The following TGS1 variants were observed in gnomAD, a reference collection of about 807,000 sequenced individuals.
TGS1 encodes the protein trimethylguanosine synthase 1.
TGS1 carries 69 observed loss-of-function variants against 92.2 expected under a neutral mutation model. The ratio of observed to expected loss-of-function variants is 0.75; its 90% CI spans 0.62 to 0.91. The LOEUF is 0.91. Among genes scored for constraint, TGS1 ranks in the 40% least tolerant of loss-of-function variants. TGS1 has a pLI of 0.00. For synonymous variants in TGS1, 345 were observed against 338.1 expected (o/e 1.02, Z -0.22); for missense variants, 1,062 against 1,001.2 (o/e 1.06, Z -0.82).
intron 11 of TGS1, among the ~76,000 whole-genome samples, chr8:55,811,784 T>G (rs1025643330): frequency 6.6e-6 from 1 of 151,850 alleles, no homozygotes; most frequent in Admixed American, 6.6e-5. Flanking sequence ...AGAGAGAAAT[T>G]AGTGAAGAGA....
chr8:55,785,878 A>G lies in TGS1; in HGVS notation c.326A>G (p.His109Arg). The G allele has an allele frequency of 2.5e-6, 4 of 1,598,420 alleles. No homozygotes were observed. Among genetic ancestry groups the G allele is most frequent in the Non-Finnish European group, 2.6e-6 (3 of 1,175,392 alleles). The change falls in exon 3 of 13, where the codon CAT (histidine) becomes CGT (arginine). Residue 109 changes from histidine to arginine, a missense_variant. Transcript: ENST00000260129. ...LPLQFGRITA[H>R]KDFEVSMNTR... ...CTTCAATTTGGTAGGATAACTGCACATAAGGATTTTGAGGTAAATATTAAT... is the reference window on the plus strand; with the variant it reads ...CTTCAATTTGGTAGGATAACTGCACGTAAGGATTTTGAGGTAAATATTAAT...
Position 55,825,292 on chromosome 8 carries a change from A to C in TGS1, c.*589A>C, listed in dbSNP as rs1803762818. On this transcript the variant is annotated 3_prime_UTR_variant, in exon 13 of 13. Transcript: ENST00000260129. Reference sequence around the variant, plus strand: ...ATACATTTATTTAGACTTTTTCTAGAACTTTCCTGTTTTCATGTCTTTGCT... The same window carrying C: ...ATACATTTATTTAGACTTTTTCTAGCACTTTCCTGTTTTCATGTCTTTGCT... The C allele has an allele frequency of 6.6e-6, 1 of 152,230 alleles. No individual in the cohort carries two copies. The highest frequency in any genetic ancestry group is 2.4e-5 in the African/African-American group (1 of 41,466). The allele number at this position is 152,230 out of a possible 1,614,324, so 9.4% of individuals were successfully genotyped here. A position where few individuals can be genotyped will look rare whatever the true frequency, so the allele number is the denominator to read the frequency against.
intron 7 of TGS1, among the ~76,000 whole-genome samples, chr8:55,796,980 G>T (rs1382747080): frequency 1.3e-5 from 2 of 151,704 alleles, no homozygotes; most frequent in African/African-American, 4.9e-5. Flanking sequence ...GACAGAGTAA[G>T]ACTGTCTCAA....
intron 12 of TGS1, among the ~76,000 whole-genome samples, chr8:55,817,118 C>A (rs991984654): frequency 6.6e-6 from 1 of 152,196 alleles, no homozygotes; most frequent in African/African-American, 2.4e-5. Flanking sequence ...CCGCCTTGGC[C>A]TCCCAAAGTG....
Position 55,799,019 on chromosome 8 carries a change from G to A in TGS1, c.1648G>A (p.Glu550Lys). Reference sequence around the variant, plus strand: ...CGACGCTTCCACAAGTAGTGATTCAGAGGAACAAGACATGTCTGTTAAAAA... The same window carrying A: ...CGACGCTTCCACAAGTAGTGATTCAAAGGAACAAGACATGTCTGTTAAAAA... ...VHDASTSSDSEEQDMSVKKGD... is the reference protein window; with the variant it reads ...VHDASTSSDSKEQDMSVKKGD... Residue 550 changes from glutamate (E) to lysine (K), a missense_variant, in exon 8 of 13, where the codon GAG (glutamate) becomes AAG (lysine). Physicochemically the swap from Glu to Lys is moderately conservative, Grantham distance 56 (BLOSUM62 1). Transcript: ENST00000260129. The A allele has an allele frequency of 6.2e-7, 1 of 1,614,226 alleles. No homozygotes were observed. Among genetic ancestry groups the A allele is most frequent in the Non-Finnish European group, 8.5e-7 (1 of 1,180,036 alleles).
intron 1 of TGS1, among the ~76,000 whole-genome samples, chr8:55,781,621 A>G (rs954122417): frequency 3.3e-5 from 5 of 152,118 alleles, no homozygotes; most frequent in South Asian, 2.1e-4. Context: ...CCCAGTGCCC[A>G]TGTTCCTGGG....
intron 10 of TGS1, among the ~76,000 whole-genome samples, chr8:55,806,998 G>T (rs774855123): frequency 1.3e-5 from 2 of 150,698 alleles, no homozygotes; most frequent in Admixed American, 1.3e-4. Flanking sequence ...CGCGGATCTC[G>T]GCTCACTGCA....
intron 5 of TGS1, 44 bp downstream of exon 5, chr8:55,790,343 G>C: frequency 8.5e-7 from 1 of 1,176,104 alleles, no homozygotes; most frequent in Non-Finnish European, 1.3e-6. Context: ...GTTAGAGTAA[G>C]CATTTGTATG....
At position 55,786,739 on chromosome 8, in the gene TGS1, G is replaced by A. The variant is rs1220994090; in HGVS notation, c.841G>A (p.Asp281Asn). The A allele has an allele frequency of 6.2e-7, 1 of 1,614,126 alleles. No individual in the cohort carries two copies. Among genetic ancestry groups the A allele is most frequent in the Non-Finnish European group, 8.5e-7 (1 of 1,180,024 alleles). ...TTACACATCTAAAACAGAAGCTGATGACAAGAACGATGAAAAATGCATGAA... is the reference window on the plus strand; with the variant it reads ...TTACACATCTAAAACAGAAGCTGATAACAAGAACGATGAAAAATGCATGAA... Reference protein sequence around the residue: ...DTYTSKTEADDKNDEKCMKVD... With the variant: ...DTYTSKTEADNKNDEKCMKVD... Residue 281 changes from aspartate to asparagine, a missense_variant, in exon 4 of 13, where the codon GAC becomes AAC. Coordinates refer to ENST00000260129, the MANE Select transcript of TGS1 (RefSeq NM_024831.8).
At chr8:55,780,995 T>C (rs1185839101) in intron 1 of TGS1, among the ~76,000 whole-genome samples, 1 of 152,182 alleles carries the variant, frequency 6.6e-6, no homozygotes, top group African/African-American at 2.4e-5. Flanking sequence ...CAGTTCATGC[T>C]CCAACCTGGA....
At chr8:55,807,736 C>A (rs1389643937) in intron 10 of TGS1, among the ~76,000 whole-genome samples, 1 of 151,682 alleles carries the variant, frequency 6.6e-6, no homozygotes, top group Non-Finnish European at 1.5e-5. Context: ...TTGCTATATT[C>A]CCCAGGCTGG....
chr8:55,793,609 C>T (rs1414812225), intron 6 of TGS1, among the ~76,000 whole-genome samples: 2 of 151,936 alleles, frequency 1.3e-5, no homozygotes, highest in South Asian at 2.1e-4. Context: ...ACTCTGTCAC[C>T]CAGGTTGCAG....
intron 10 of TGS1, among the ~76,000 whole-genome samples, chr8:55,806,100 A>G (rs1331976072): frequency 6.6e-6 from 1 of 151,636 alleles, no homozygotes; most frequent in Non-Finnish European, 1.5e-5. Context: ...TCATGCCTGT[A>G]ATCCCAGCAC....
Position 55,786,944 on chromosome 8 carries a change from G to A in TGS1, c.1046G>A (p.Ser349Asn). Reference sequence around the variant, plus strand: ...AGTCATGATGGTCATCAACAGCTAAGTGAAGTTAGTAGCAAAAGAGAGTGC... The same window carrying A: ...AGTCATGATGGTCATCAACAGCTAAATGAAGTTAGTAGCAAAAGAGAGTGC... ...CTSHDGHQQL[S>N]EVSSKRECPA... The change falls in exon 4 of 13, where the codon AGT becomes AAT. Residue 349 changes from serine to asparagine, a missense_variant. Ser to Asn is a conservative substitution (Grantham distance 46, BLOSUM62 1). Transcript: ENST00000260129. 2 of 1,614,156 alleles carry A rather than the reference G, an allele frequency of 1.2e-6. No homozygotes were observed. The highest frequency in any genetic ancestry group is 1.7e-6 in the Non-Finnish European group (2 of 1,180,018).
rs773696362 is a variant in TGS1 at position 55,787,075 on chromosome 8, G to A, written c.1162+15G>A. Reference sequence around the variant, plus strand: ...ACCAGCTGAGGGTAAGATTAACCAAGATTTATTCTGCCATGTAATGGTTAG... The same window carrying A: ...ACCAGCTGAGGGTAAGATTAACCAAAATTTATTCTGCCATGTAATGGTTAG... On this transcript the variant is annotated intron_variant, in intron 4 of 12. Transcript: ENST00000260129. 2 of 1,575,812 alleles carry A rather than the reference G, an allele frequency of 1.3e-6. No individual in the cohort carries two copies. The highest frequency in any genetic ancestry group is 1.7e-6 in the Non-Finnish European group (2 of 1,158,078).
At chr8:55,794,255 T>G (rs1213796018) in intron 6 of TGS1, among the ~76,000 whole-genome samples, 1 of 151,598 alleles carries the variant, frequency 6.6e-6, no homozygotes, top group African/African-American at 2.4e-5. Flanking sequence ...GGGGTCTTGC[T>G]ATGTTACCCA....
chr8:55,783,599 A>G (rs1047862852), intron 2 of TGS1, among the ~76,000 whole-genome samples: 13 of 152,218 alleles, frequency 8.5e-5, no homozygotes, highest in African/African-American at 3.1e-4. Context: ...AATATAATTT[A>G]TACTGTACAT....
intron 12 of TGS1, among the ~76,000 whole-genome samples, chr8:55,818,154 T>C (rs899931428): frequency 1.2e-4 from 18 of 152,226 alleles, no homozygotes; most frequent in Admixed American, 8.5e-4. Flanking sequence ...CACCATGAGA[T>C]TGGAGCAATA....
chr8:55,790,965 CTTCT>C (rs1319465397), intron 5 of TGS1, among the ~76,000 whole-genome samples: 1 of 69,464 alleles, frequency 1.4e-5, no homozygotes, highest in African/African-American at 6.6e-5. Context: ...AAATTCATAT[CTTCT>C]CTCTCTCTCT....
Sources: allele counts gnomAD v4.1 joint callset (sites outside exome capture counted in the v4.1 genomes callset), GRCh38; gene constraint gnomAD v4.1.1; transcripts MANE v1.5; gene names NCBI Gene and HGNC (gene_info 2026-07-23, HGNC 2026-07-21).